Variants in DLEC1 observed in about 807,000 individuals in gnomAD.
DLEC1 encodes DLEC1 cilia and flagella associated protein, also known as deleted in lung and esophageal cancer protein 1.
Under a neutral mutation model 198.1 loss-of-function variants are expected in DLEC1, and 146 were observed. The observed-to-expected ratio is 0.74, with a 90% confidence interval of 0.64 to 0.85. DLEC1 has a LOEUF of 0.85. DLEC1 is among the 40% of genes least tolerant of loss of function. The pLI is 0.00. For synonymous variants in DLEC1, 897 were observed against 866.8 expected (o/e 1.03, Z -0.61); for missense variants, 2,233 against 2,220.0 (o/e 1.01, Z -0.12).
intron 2 of DLEC1, chr3:38,052,167 C>A (rs1209059171): frequency 4.7e-6 from 2 of 421,600 alleles, no homozygotes. Context: ...AAGATCCCAG[C>A]AGTAGGTCCT....
chr3:38,086,459 C>A, intron 9 of DLEC1, 82 bp downstream of exon 9: 2 of 1,505,238 alleles, frequency 1.3e-6, no homozygotes, highest in African/African-American at 1.4e-5. Context: ...CTAGAGTATA[C>A]CTATGATTGG....
chr3:38,057,817 C>CT (rs71094945), intron 2 of DLEC1, among the ~76,000 whole-genome samples: 2,046 of 132,812 alleles, frequency 0.015, 42 homozygotes, highest in African/African-American at 0.041. Flanking sequence ...TGTATTATTC[C>CT]TTTTTTTTTT....
intron 7 of DLEC1, 35 bp from the exon 8 acceptor site, chr3:38,085,239 C>G: frequency 6.2e-7 from 1 of 1,613,478 alleles, no homozygotes; most frequent in Non-Finnish European, 8.5e-7. Context: ...CTGGCTGCTC[C>G]CAGGATCCTC....
chr3:38,095,667 G>C, intron 13 of DLEC1: 1 of 556,826 alleles, frequency 1.8e-6, no homozygotes, highest in Non-Finnish European at 3.2e-6. Flanking sequence ...TTGCACCCAG[G>C]CCCAGCTGAG....
chr3:38,064,057 G>A, intron 6 of DLEC1, 138 bp downstream of exon 6: 1 of 600,176 alleles, frequency 1.7e-6, no homozygotes, highest in South Asian at 2.4e-5. Flanking sequence ...GTGTTTCTCG[G>A]AGAGGGGGAT....
At position 38,059,835 on chromosome 3, in the gene DLEC1, TTCAC is replaced by T; in HGVS notation, c.659_662del (p.His220LeufsTer14). ...GATTACTACACCGATACAGTGCCGT[TTCAC>T]TCTGCACCTAAAGGTAATGCTTCTG... On this transcript the variant is annotated frameshift_variant, in exon 3 of 37. Transcript: ENST00000308059. LOFTEE classifies it high-confidence loss of function. 6.2e-7 allele frequency: 1 copy of T among 1,614,138 alleles called. No individual in the cohort carries two copies. Among genetic ancestry groups the T allele is most frequent in the Non-Finnish European group, 8.5e-7 (1 of 1,180,006 alleles).
chr3:38,121,570 C>A, intron 34 of DLEC1, 58 bp from the exon 35 acceptor site: 1 of 1,571,850 alleles, frequency 6.4e-7, no homozygotes. Context: ...TCTGTGTGTC[C>A]CAGAGGCCCT....
intron 1 of DLEC1, among the ~76,000 whole-genome samples, chr3:38,044,957 G>A (rs1025445553): frequency 3.9e-5 from 6 of 152,196 alleles, no homozygotes; most frequent in Non-Finnish European, 8.8e-5. Context: ...AGTGAGCCAC[G>A]GAAGAAGCTG....
chr3:38,061,287 T>G (rs938870500), intron 3 of DLEC1, among the ~76,000 whole-genome samples: 1 of 152,130 alleles, frequency 6.6e-6, no homozygotes, highest in African/African-American at 2.4e-5. Flanking sequence ...TTTCTCCTGC[T>G]TCAGCCTCAG....
intron 5 of DLEC1, 46 bp from the exon 6 acceptor site, chr3:38,063,795 T>A: frequency 7.3e-7 from 1 of 1,373,788 alleles, no homozygotes; most frequent in Non-Finnish European, 1.0e-6. Context: ...TTTCATTGTA[T>A]GGATGAAACT....
chr3:38,070,741 T>G (rs1341638356), intron 6 of DLEC1, among the ~76,000 whole-genome samples: 2 of 152,156 alleles, frequency 1.3e-5, no homozygotes, highest in Non-Finnish European at 2.9e-5. Context: ...GGAAAAGGAC[T>G]TTCACAAGGT....
At chr3:38,107,491 G>A (rs1022180488) in intron 19 of DLEC1, 93 bp from the exon 20 acceptor site, 13 of 1,311,874 alleles carry the variant, frequency 9.9e-6, no homozygotes, top group Non-Finnish European at 1.3e-5. Context: ...GATACCTTGG[G>A]ATTTTCTACA....
At position 38,079,277 on chromosome 3, in the gene DLEC1, C is replaced by T. The variant is rs1160967735; in HGVS notation, c.1174-4881C>T. Among the ~76,000 whole-genome samples, 16 of 152,188 alleles carry T rather than the reference C, an allele frequency of 1.1e-4. No individual in the cohort carries two copies. In the East Asian group the frequency reaches 2.9e-3, roughly 28 times the overall value. ...AAGGGAACTGGGCAGGTGGGGATAA[C>T]TAAAAGGAGTGCTTAAAAGAGTATT... On this transcript the variant is annotated intron_variant, in intron 6 of 36. Coordinates refer to ENST00000308059, the MANE Select transcript of DLEC1 (RefSeq NM_007335.4).
chr3:38,098,465 A>G (rs1324854868), intron 18 of DLEC1, among the ~76,000 whole-genome samples: 1 of 152,252 alleles, frequency 6.6e-6, no homozygotes, highest in Non-Finnish European at 1.5e-5. Flanking sequence ...GATCTGGAAC[A>G]AGACAAAGTC....
At position 38,100,338 on chromosome 3, in the gene DLEC1, A is replaced by G. The variant is rs1365533577; in HGVS notation, c.2777A>G (p.Glu926Gly). 7 of 1,613,448 alleles carry G rather than the reference A, an allele frequency of 4.3e-6. No homozygotes were observed. Among genetic ancestry groups the G allele is most frequent in the African/African-American group, 2.7e-5 (2 of 74,794 alleles). The change falls in exon 19 of 37, where the codon GAG (glutamate) becomes GGG (glycine). Residue 926 changes from glutamate (E) to glycine (G), a missense_variant. By Grantham distance (98) the Glu-to-Gly change is moderately conservative (BLOSUM62 -2). Coordinates refer to ENST00000308059, the MANE Select transcript of DLEC1 (RefSeq NM_007335.4). ...AGTGGCCAGCTTCACTCTCTGGGGGAGTGCAGGGTGGACATCACCTTGGAG... is the reference window on the plus strand; with the variant it reads ...AGTGGCCAGCTTCACTCTCTGGGGGGGTGCAGGGTGGACATCACCTTGGAG... ...PSSGQLHSLG[E>G]CRVDITLEAL...
chr3:38,116,035 C>T (rs1020972962), intron 27 of DLEC1, among the ~76,000 whole-genome samples: 1 of 152,000 alleles, frequency 6.6e-6, no homozygotes, highest in Non-Finnish European at 1.5e-5. Context: ...ACATGGCGGC[C>T]CCCAAAGACT....
rs760758839 is a variant in DLEC1, at chr3:38,112,302, A to G, written c.3607A>G (p.Ile1203Val). 8 of 1,614,120 alleles carry G rather than the reference A, an allele frequency of 5.0e-6. No individual in the cohort carries two copies. The South Asian group carries it at 8.8e-5, about 18-fold the overall frequency. ...GCTGGGGCCCTACCAGCAGCTGTGC[A>G]TTGACATCACAGGCTGTGCCAACAT... Reference protein sequence around the residue: ...GMLGPYQQLCIDITGCANMWG... With the variant: ...GMLGPYQQLCVDITGCANMWG... The change falls in exon 25 of 37, where the codon ATT becomes GTT. Residue 1203 changes from isoleucine to valine, a missense_variant. Coordinates refer to ENST00000308059, the MANE Select transcript of DLEC1 (RefSeq NM_007335.4). This position sits in a 1 kb window ranked among gnomAD's most constrained non-coding sequence, Gnocchi z 4.8.
Position 38,100,832 on chromosome 3 carries a change from T to A in DLEC1, c.2864+407T>A, listed in dbSNP as rs138443367. Among the ~76,000 whole-genome samples the A allele has an allele frequency of 3.2e-3, 489 of 152,308 alleles. 5 individuals carry two copies. Among genetic ancestry groups the A allele is most frequent in the East Asian group, 6.0e-3 (31 of 5,186 alleles). On this transcript the variant is annotated intron_variant, in intron 19 of 36. Coordinates refer to ENST00000308059, the MANE Select transcript of DLEC1 (RefSeq NM_007335.4). ...TACAGGAAAAACTAGAAAAAACCAC[T>A]GTCTGTCAACAGGAGAATGGACATT...
rs183314806 is a variant in DLEC1, at chr3:38,048,673, C to T, written c.562+2980C>T. On this transcript the variant is annotated intron_variant, in intron 2 of 36. Transcript: ENST00000308059. The stretch of plus-strand genomic sequence containing the variant: ...ACTTGGGTGTGTCTGCTGTCAAAAC[C>T]CATGGCTTTCTTCTATCGGGAGGAG... 3.4e-4 allele frequency among the ~76,000 whole-genome samples: 52 copies of T among 152,280 alleles called. No homozygotes were observed. The East Asian group carries it at 9.3e-3, about 27-fold the overall frequency.
Sources: allele counts gnomAD v4.1 joint callset (sites outside exome capture counted in the v4.1 genomes callset), GRCh38; gene constraint gnomAD v4.1.1; non-coding constraint Gnocchi (gnomAD v3.1); transcripts MANE v1.5; gene names NCBI Gene and HGNC (gene_info 2026-07-23, HGNC 2026-07-21).